Variants in WNT3A observed in about 807,000 individuals in gnomAD.
The protein encoded by WNT3A is protein Wnt-3a.
A neutral mutation model predicts 37.0 loss-of-function variants in WNT3A; 17 were observed. That is an observed-to-expected ratio of 0.46 (90% CI 0.31 to 0.69). WNT3A has a LOEUF of 0.69. Among genes scored for constraint, WNT3A ranks in the 30% least tolerant of loss-of-function variants. The pLI, the probability that WNT3A is intolerant of heterozygous loss-of-function variation, is 0.05. For missense variants in WNT3A, 411 were observed against 510.2 expected, an observed-to-expected ratio of 0.81 and a Z score of 1.87; for synonymous variants, 187 against 211.0, an observed-to-expected ratio of 0.89 and a Z score of 0.99.
At chr1:228,035,784 C>A (rs2031122981) in intron 2 of WNT3A, among the ~76,000 whole-genome samples, 1 of 152,158 alleles carries the variant, frequency 6.6e-6, no homozygotes, top group Non-Finnish European at 1.5e-5. Context: ...GGGCTGAGCT[C>A]CTGCTGTGCT....
rs2030263879 is a variant in WNT3A at position 228,008,277 on chromosome 1, C to T, written c.71+1078C>T. 6.6e-6 allele frequency among the ~76,000 whole-genome samples: 1 copy of T among 152,194 alleles called. No individual in the cohort carries two copies. Among genetic ancestry groups the T allele is most frequent in the Non-Finnish European group, 1.5e-5 (1 of 68,024 alleles). On this transcript the variant is annotated intron_variant, in intron 1 of 3. Transcript: ENST00000284523. The surrounding 1 kb of genome is among the most constrained non-coding windows in gnomAD (Gnocchi z 4.9). ...AGCCTCCCCACAAGCATGCACACTC[C>T]CCCCCATCCTTCTCCGACGGCAGCC...
Position 228,021,056 on chromosome 1 carries a change from A to G in WNT3A, c.72-1611A>G, listed in dbSNP as rs138271025. On this transcript the variant is annotated intron_variant, in intron 1 of 3. Transcript: ENST00000284523. ...ATTGAGGTGTATTTTGTACAGCAAA[A>G]TGGAAGACCCTAAGTGCATGGCTCA... is the stretch of plus-strand genomic sequence containing the variant. Among the ~76,000 whole-genome samples the G allele has an allele frequency of 5.3e-3, 805 of 152,310 alleles. 22 individuals are homozygous for G. The highest frequency in any genetic ancestry group is 0.046 in the Admixed American group (706 of 15,300).
At chr1:228,027,886 C>T (rs1222639245) in intron 2 of WNT3A, among the ~76,000 whole-genome samples, 1 of 152,040 alleles carries the variant, frequency 6.6e-6, no homozygotes, top group Non-Finnish European at 1.5e-5. Flanking sequence ...ATGTTGTCTT[C>T]TAGAATTTTT....
rs149454625 is a variant in WNT3A, at chr1:228,021,952, CA to C, written c.72-714del. On this transcript the variant is annotated intron_variant, in intron 1 of 3. Transcript: ENST00000284523. The stretch of plus-strand genomic sequence containing the variant: ...TGTGCTGAGCAGGAATGCGGGGCTG[CA>C]TCATTTCCTGTTACAGATCTGGACG... Among the ~76,000 whole-genome samples, 206 of 152,344 alleles carry C rather than the reference CA, an allele frequency of 1.4e-3. 2 individuals carry two copies. The highest frequency in any genetic ancestry group is 4.6e-3 in the African/African-American group (192 of 41,586).
At chr1:228,055,830 G>T (rs1338853053) in intron 3 of WNT3A, among the ~76,000 whole-genome samples, 1 of 152,180 alleles carries the variant, frequency 6.6e-6, no homozygotes, top group Non-Finnish European at 1.5e-5. Context: ...TTGTAGCCAG[G>T]CAGCAGCCTC....
In WNT3A at chr1:228,050,532, C is replaced by T. The variant is rs1225189412; in HGVS notation, c.314-124C>T. ...CCGTGAACCAAGTAAGCCTCTTTGC[C>T]TTATACACCACCCAACCTCACGAGT... On this transcript the variant is annotated intron_variant, in intron 2 of 3. Transcript: ENST00000284523. The surrounding 1 kb of genome is among the most constrained non-coding windows in gnomAD (Gnocchi z 5.0). 2 of 1,273,782 alleles carry T rather than the reference C, an allele frequency of 1.6e-6. No individual in the cohort carries two copies. The highest frequency in any genetic ancestry group is 2.1e-6 in the Non-Finnish European group (2 of 952,628). The allele number at this position is 1,273,782 out of a possible 1,614,324, so 78.9% of individuals were successfully genotyped here.
rs148315885 is a variant in WNT3A, at chr1:228,057,670, C to G, written c.580-1316C>G. Among the ~76,000 whole-genome samples the G allele has an allele frequency of 1.9e-4, 29 of 152,172 alleles. No homozygotes were observed. In the Middle Eastern group the frequency reaches 0.01, roughly 54 times the overall value. Reference sequence around the variant, plus strand: ...GAGGAGGCAGGATTGGGACCCAGAGCCCAGTTGAAGCCTTAGATTAGAACT... The same window carrying G: ...GAGGAGGCAGGATTGGGACCCAGAGGCCAGTTGAAGCCTTAGATTAGAACT... On this transcript the variant is annotated intron_variant, in intron 3 of 3. Coordinates refer to ENST00000284523, the MANE Select transcript of WNT3A (RefSeq NM_033131.4).
intron 2 of WNT3A, among the ~76,000 whole-genome samples, chr1:228,041,038 TATCTATCTATC>T (rs1226077282): frequency 7.8e-5 from 10 of 128,158 alleles, no homozygotes; most frequent in African/African-American, 2.0e-4. Flanking sequence ...TCTATCTATC[TATCTATCTATC>T]ATCTATCTAT....
At chr1:228,040,605 C>T (rs1349974120) in intron 2 of WNT3A, among the ~76,000 whole-genome samples, 8 of 152,038 alleles carry the variant, frequency 5.3e-5, no homozygotes, top group South Asian at 2.1e-4. Flanking sequence ...GAAACATGGC[C>T]GGGCGCAGTG....
At position 228,055,178 on chromosome 1, in the gene WNT3A, AAATATATATATATATATATATATATATAT is replaced by A. The variant is rs1328972581; in HGVS notation, c.580-3806_580-3778del. On this transcript the variant is annotated intron_variant, in intron 3 of 3. Coordinates refer to ENST00000284523, the MANE Select transcript of WNT3A (RefSeq NM_033131.4). ...CGTCCCAAAAAAAAAAAAAAAAAAA[AAATATATATATATATATATATATATATAT>A]ATATATATATATACACACACACAAT... Among the ~76,000 whole-genome samples, 7 of 46,984 alleles carry A rather than the reference AAATATATATATATATATATATATATATAT, an allele frequency of 1.5e-4. 1 individual carries two copies. In the East Asian group the frequency reaches 3.5e-3, roughly 24 times the overall value. 30.8% of individuals were successfully genotyped at this position (46,984 alleles called of 152,430 possible).
Position 228,007,505 on chromosome 1 carries a change from G to A in WNT3A, c.71+306G>A, listed in dbSNP as rs1396972601. ...GTGGGCTGGGGAGAGGCTGAAAGAA[G>A]GTCGGCACGCACGGTCACCGAGGGG... is the stretch of plus-strand genomic sequence containing the variant. On this transcript the variant is annotated intron_variant, in intron 1 of 3. Transcript: ENST00000284523. The surrounding 1 kb of genome is among the most constrained non-coding windows in gnomAD (Gnocchi z 6.0). Among the ~76,000 whole-genome samples the A allele has an allele frequency of 6.6e-6, 1 of 152,200 alleles. No individual in the cohort carries two copies. Among genetic ancestry groups the A allele is most frequent in the Non-Finnish European group, 1.5e-5 (1 of 68,030 alleles).
intron 1 of WNT3A, 150 bp from the exon 2 acceptor site, chr1:228,022,517 T>C (rs2030732780): frequency 5.7e-6 from 6 of 1,057,526 alleles, no homozygotes; most frequent in Non-Finnish European, 7.9e-6. Context: ...ATTCTCTTAC[T>C]TGCAAAATAA....
Position 228,059,427 on chromosome 1 carries a change from G to C in WNT3A, c.1021G>C (p.Glu341Gln), listed in dbSNP as rs771490465. Residue 341 changes from glutamate to glutamine, a missense_variant, in exon 4 of 4, where the codon GAG becomes CAG. By Grantham distance (29) the Glu-to-Gln change is conservative (BLOSUM62 2). Transcript: ENST00000284523. ...CTGGTGCTGCTACGTCAGCTGCCAG[G>C]AGTGCACGCGCGTCTACGACGTGCA... The part of the protein sequence containing the change: ...FHWCCYVSCQ[E>Q]CTRVYDVHTC... The C allele has an allele frequency of 1.2e-5, 18 of 1,538,940 alleles. No homozygotes were observed. The highest frequency in any genetic ancestry group is 1.4e-5 in the Non-Finnish European group (16 of 1,146,944).
intron 2 of WNT3A, among the ~76,000 whole-genome samples, chr1:228,027,580 A>C (rs1051431209): frequency 1.3e-5 from 2 of 152,156 alleles, no homozygotes; most frequent in African/African-American, 4.8e-5. Context: ...TCTTATTTTG[A>C]GAATGTCCAT....
At chr1:228,054,733 A>G (rs892806035) in intron 3 of WNT3A, among the ~76,000 whole-genome samples, 1 of 151,588 alleles carries the variant, frequency 6.6e-6, no homozygotes, top group Non-Finnish European at 1.5e-5. Context: ...AAAAAAAAAA[A>G]CACAAGTACA....
intron 1 of WNT3A, among the ~76,000 whole-genome samples, chr1:228,010,995 T>C (rs1429303424): frequency 6.6e-6 from 1 of 152,050 alleles, no homozygotes; most frequent in Non-Finnish European, 1.5e-5. Context: ...CCAGCACACT[T>C]GGAGGCCCTG....
chr1:228,019,864 G>T (rs1048347581), intron 1 of WNT3A, among the ~76,000 whole-genome samples: 5 of 152,256 alleles, frequency 3.3e-5, no homozygotes, highest in Admixed American at 3.3e-4. Flanking sequence ...ATGGGTGAAG[G>T]GGAAGCATCT....
At chr1:228,043,673 A>G (rs1433595861) in intron 2 of WNT3A, among the ~76,000 whole-genome samples, 1 of 152,204 alleles carries the variant, frequency 6.6e-6, no homozygotes, top group South Asian at 2.1e-4. Context: ...GGGAGCCCTG[A>G]GTCAGCTCCT....
intron 1 of WNT3A, among the ~76,000 whole-genome samples, chr1:228,011,342 G>C (rs1343262175): frequency 6.6e-6 from 1 of 152,124 alleles, no homozygotes; most frequent in Non-Finnish European, 1.5e-5. Flanking sequence ...GCCACTCCCA[G>C]AGTCACCCTG....
Sources: allele counts gnomAD v4.1 joint callset (sites outside exome capture counted in the v4.1 genomes callset), GRCh38; gene constraint gnomAD v4.1.1; non-coding constraint Gnocchi (gnomAD v3.1); transcripts MANE v1.5; gene names NCBI Gene and HGNC (gene_info 2026-07-23, HGNC 2026-07-21).